The following HSPD1 variants were observed in gnomAD, a reference collection of about 807,000 sequenced individuals.
The protein encoded by HSPD1 is 60 kDa heat shock protein, mitochondrial.
HSPD1 carries 3 observed loss-of-function variants against 53.0 expected under a neutral mutation model. The observed-to-expected ratio is 0.06, with a 90% confidence interval of 0.03 to 0.15. HSPD1 has a LOEUF of 0.15. HSPD1 is among the 10% of genes least tolerant of loss of function. The probability of loss-of-function intolerance (pLI) is 1.00; values close to 1 mark genes in which losing one functional copy is unlikely to be tolerated. For missense variants in HSPD1, 431 were observed against 694.1 expected, an observed-to-expected ratio of 0.62 and a Z score of 4.26; for synonymous variants, 200 against 228.0, an observed-to-expected ratio of 0.88 and a Z score of 1.10.
At chr2:197,489,365 A>AT in intron 8 of HSPD1, 118 bp from the exon 9 acceptor site, 1 of 1,075,942 alleles carries the variant, frequency 9.3e-7, no homozygotes, top group South Asian at 1.4e-5. Context: ...GAAATGAGAG[A>AT]TTTTAAGATC....
chr2:197,499,213 CAA>C (rs1358730200), intron 1 of HSPD1: 5 of 368,988 alleles, frequency 1.4e-5, no homozygotes, highest in Admixed American at 8.7e-5. Flanking sequence ...CGGAGAGAGG[CAA>C]GTTACAAATC....
intron 7 of HSPD1, 75 bp from the exon 8 acceptor site, chr2:197,490,371 C>A: frequency 8.6e-7 from 1 of 1,167,304 alleles, no homozygotes; most frequent in Non-Finnish European, 1.3e-6. Flanking sequence ...CAAGCTGTTA[C>A]TAGATTACTT....
At chr2:197,496,996 C>A (rs1405878032) in intron 3 of HSPD1, 144 bp downstream of exon 3, 1 of 824,604 alleles carries the variant, frequency 1.2e-6, no homozygotes, top group Non-Finnish European at 2.0e-6. Context: ...TAAAGGAAAA[C>A]CCAGTTTAAG....
chr2:197,487,818 G>T, intron 11 of HSPD1, 40 bp downstream of exon 11: 1 of 1,556,260 alleles, frequency 6.4e-7, no homozygotes, highest in Non-Finnish European at 8.9e-7. Context: ...TTAACAAAAT[G>T]AACAACAAAA....
intron 5 of HSPD1, 97 bp downstream of exon 5, chr2:197,494,558 ATT>A: frequency 1.2e-6 from 1 of 853,070 alleles, no homozygotes; most frequent in East Asian, 2.5e-5. Flanking sequence ...TTAAAACAGA[ATT>A]TTTCTGTTTG....
At chr2:197,498,596 T>A in intron 2 of HSPD1, 79 bp downstream of exon 2, 1 of 1,240,998 alleles carries the variant, frequency 8.1e-7, no homozygotes, top group East Asian at 2.4e-5. Flanking sequence ...AAAGTACTGT[T>A]GAATAGTTCA....
intron 9 of HSPD1, 134 bp downstream of exon 9, chr2:197,488,865 AAAC>A (rs2106071364): frequency 9.4e-7 from 1 of 1,068,860 alleles, no homozygotes; most frequent in East Asian, 2.4e-5. Context: ...GCTCAAAACA[AAAC>A]AAACAAAATT....
intron 8 of HSPD1, among the ~76,000 whole-genome samples, chr2:197,489,936 C>G (rs184741033): frequency 1.3e-5 from 2 of 151,314 alleles, no homozygotes; most frequent in African/African-American, 4.9e-5. Context: ...CAAGACAGAT[C>G]AAGACACTGT....
At chr2:197,487,502 C>G (rs41265957) in intron 11 of HSPD1, among the ~76,000 whole-genome samples, 2,903 of 152,280 alleles carry the variant, frequency 0.019, 38 homozygotes, top group Middle Eastern at 0.037. Flanking sequence ...GCCTGCACTC[C>G]AGCCTGGGCG....
intron 2 of HSPD1, among the ~76,000 whole-genome samples, chr2:197,498,304 C>G (rs994656638): frequency 4.9e-4 from 74 of 152,104 alleles, no homozygotes; most frequent in Admixed American, 4.8e-3. Flanking sequence ...CAAGCACATA[C>G]CTAAGGAATT....
intron 1 of HSPD1, chr2:197,499,483 G>A (rs2086211660): frequency 6.5e-6 from 1 of 153,904 alleles, no homozygotes; most frequent in African/African-American, 2.4e-5. Flanking sequence ...CACCCTCCCC[G>A]GTTCCCTGAA....
intron 2 of HSPD1, chr2:197,497,648 C>T (rs2106079592): frequency 1.9e-6 from 1 of 536,938 alleles, no homozygotes; most frequent in African/African-American, 1.9e-5. Context: ...GGGACTAAAA[C>T]TTGTCATCTT....
At chr2:197,495,618 C>T (rs1373189143) in intron 3 of HSPD1, among the ~76,000 whole-genome samples, 1 of 151,550 alleles carries the variant, frequency 6.6e-6, no homozygotes, top group Admixed American at 6.6e-5. Flanking sequence ...GCTCAAGCCA[C>T]CATGCTCAGC....
intron 11 of HSPD1, 48 bp downstream of exon 11, chr2:197,487,810 A>G: frequency 6.6e-7 from 1 of 1,515,096 alleles, no homozygotes; most frequent in Non-Finnish European, 9.2e-7. Flanking sequence ...AGGATACATT[A>G]ACAAAATGAA....
intron 8 of HSPD1, 43 bp downstream of exon 8, chr2:197,490,154 G>C: frequency 7.8e-7 from 1 of 1,286,640 alleles, no homozygotes. Context: ...TTCCAGACAA[G>C]TATAAACATT....
chr2:197,486,985 G>T lies in HSPD1; in HGVS notation c.*61C>A. 2.8e-6 allele frequency: 3 copies of T among 1,060,750 alleles called. No homozygotes were observed. Among genetic ancestry groups the T allele is most frequent in the South Asian group, 1.3e-5 (1 of 78,504 alleles). The allele number at this position is 1,060,750 out of a possible 1,614,324, so 65.7% of individuals were successfully genotyped here. ...TGACTTCTCTGAAGTTATTGGTGAGGAACACTGCCTTGGGCTTCCTGTCAC... is the reference window on the plus strand; with the variant it reads ...TGACTTCTCTGAAGTTATTGGTGAGTAACACTGCCTTGGGCTTCCTGTCAC... On this transcript the variant is annotated 3_prime_UTR_variant, in exon 12 of 12. Coordinates refer to ENST00000388968, the MANE Select transcript of HSPD1 (RefSeq NM_002156.5).
chr2:197,497,044 A>G (rs1399129270), intron 3 of HSPD1, 96 bp downstream of exon 3: 1 of 1,227,592 alleles, frequency 8.1e-7, no homozygotes, highest in East Asian at 2.3e-5. Flanking sequence ...GAGAAGGATT[A>G]ATTTCCTCAA....
At chr2:197,490,526 CCTT>C (rs2086078376) in intron 7 of HSPD1, 2 of 526,876 alleles carry the variant, frequency 3.8e-6, no homozygotes, top group Non-Finnish European at 6.8e-6. Context: ...TATCCGTTTA[CCTT>C]CTTAATAAAC....
intron 8 of HSPD1, 95 bp downstream of exon 8, chr2:197,490,102 T>C (rs1485163099): frequency 2.7e-5 from 25 of 933,242 alleles, no homozygotes; most frequent in Admixed American, 2.3e-4. Flanking sequence ...AAGAAACAGA[T>C]AGTTGTAGTA....
Sources: gnomAD v4.1 joint callset for allele counts (sites outside exome capture counted in the v4.1 genomes callset) on GRCh38, gnomAD v4.1.1 for gene constraint, MANE v1.5 for transcripts, NCBI Gene and HGNC (gene_info 2026-07-23, HGNC 2026-07-21) for gene names.